Variants in GLCCI1 observed in about 807,000 individuals in gnomAD.
GLCCI1 encodes glucocorticoid-induced transcript 1 protein.
In GLCCI1, 24 loss-of-function variants were observed where a neutral mutation model predicts 52.2. That is an observed-to-expected ratio of 0.46 (90% confidence interval 0.33 to 0.65). The LOEUF (loss-of-function observed/expected upper bound fraction) is 0.65. Among genes scored for constraint, GLCCI1 ranks in the 30% least tolerant of loss-of-function variants. GLCCI1 has a pLI of 0.02. For synonymous variants in GLCCI1, 310 were observed against 276.5 expected, an observed-to-expected ratio of 1.12 and a Z score of -1.20; for missense variants, 704 against 701.5, an observed-to-expected ratio of 1.00 and a Z score of -0.04.
intron 5 of GLCCI1, among the ~76,000 whole-genome samples, chr7:8,068,532 C>T (rs1030566714): frequency 6.6e-6 from 1 of 152,178 alleles, no homozygotes; most frequent in Non-Finnish European, 1.5e-5. Flanking sequence ...CATCAATCAG[C>T]TCCTGTATTA....
At chr7:8,050,705 T>G (rs1041285769) in intron 3 of GLCCI1, among the ~76,000 whole-genome samples, 3 of 136,136 alleles carry the variant, frequency 2.2e-5, no homozygotes, top group African/African-American at 7.5e-5. Flanking sequence ...GTAAGATTTA[T>G]CTCCTTGTGA....
chr7:8,071,212 T>A, intron 6 of GLCCI1, 81 bp downstream of exon 6: 1 of 1,154,316 alleles, frequency 8.7e-7, no homozygotes, highest in Non-Finnish European at 1.2e-6. Context: ...ACATCTTTTT[T>A]TTTTTCTTTT....
At chr7:8,052,427 G>T (rs1026014628) in intron 3 of GLCCI1, among the ~76,000 whole-genome samples, 1 of 152,294 alleles carries the variant, frequency 6.6e-6, no homozygotes, top group African/African-American at 2.4e-5. Flanking sequence ...TCCTAGTTTT[G>T]AGTTGGTTAT....
chr7:7,981,931 C>G (rs1476544535), intron 1 of GLCCI1: 1 of 452,070 alleles, frequency 2.2e-6, no homozygotes, highest in Non-Finnish European at 4.5e-6. Flanking sequence ...CATCACTGCT[C>G]TGAAGTAAAA....
In GLCCI1 at chr7:7,968,828, C is replaced by T. The variant is rs368973929; in HGVS notation, c.-523C>T. 1.9e-5 allele frequency: 3 copies of T among 159,014 alleles called. No homozygotes were observed. Among genetic ancestry groups the T allele is most frequent in the Non-Finnish European group, 4.2e-5 (3 of 72,210 alleles). The allele number at this position is 159,014 out of a possible 1,614,324, so 9.9% of individuals were successfully genotyped here. ...ATTCGGAGTGAGGAGTGGGTAGAAG[C>T]GGCGGCGGCGGCGGCGGCGTTTGCG... On this transcript the variant is annotated 5_prime_UTR_variant, in exon 1 of 8. Transcript: ENST00000223145.
At chr7:8,076,007 A>G (rs1043322377) in intron 6 of GLCCI1, among the ~76,000 whole-genome samples, 2 of 152,242 alleles carry the variant, frequency 1.3e-5, no homozygotes, top group African/African-American at 4.8e-5. Context: ...TTGTCTTTTC[A>G]GGGTCTAGGG....
chr7:8,073,963 C>T (rs1782821556), intron 6 of GLCCI1, among the ~76,000 whole-genome samples: 1 of 152,146 alleles, frequency 6.6e-6, no homozygotes, highest in South Asian at 2.1e-4. Flanking sequence ...AAATCAAATA[C>T]CATCTTTATA....
rs1434409243 is a variant in GLCCI1 at position 8,025,837 on chromosome 7, G to A, written c.696+3268G>A. On this transcript the variant is annotated intron_variant, in intron 3 of 7. Transcript: ENST00000223145. ...CTGAAAGAAAAAAAACCAAAAAACT[G>A]TCAACCAGGTATTCTATATCCAGCA... Among the ~76,000 whole-genome samples the A allele has an allele frequency of 2.6e-5, 4 of 152,278 alleles. No homozygotes were observed. The East Asian group carries it at 7.7e-4, about 29-fold the overall frequency.
chr7:7,990,513 G>C (rs771015515), intron 1 of GLCCI1, among the ~76,000 whole-genome samples: 2 of 152,018 alleles, frequency 1.3e-5, no homozygotes, highest in African/African-American at 2.4e-5. Flanking sequence ...TATTTCTTCA[G>C]TTGCTCTCAA....
chr7:8,083,228 G>C (rs923637235), intron 6 of GLCCI1, among the ~76,000 whole-genome samples: 1 of 152,052 alleles, frequency 6.6e-6, no homozygotes, highest in African/African-American at 2.4e-5. Context: ...ATGAAGAATG[G>C]GATGTCCATC....
At chr7:7,975,553 T>C (rs997372516) in intron 1 of GLCCI1, among the ~76,000 whole-genome samples, 6 of 152,214 alleles carry the variant, frequency 3.9e-5, no homozygotes, top group African/African-American at 1.4e-4. Context: ...GACTCTAATG[T>C]TGATGATCAG....
intron 3 of GLCCI1, among the ~76,000 whole-genome samples, chr7:8,033,070 T>C (rs1310587567): frequency 6.6e-6 from 1 of 152,016 alleles, no homozygotes; most frequent in Non-Finnish European, 1.5e-5. Context: ...AAGTGGGATT[T>C]GTCCAAGGAA....
At chr7:8,066,568 T>G (rs1169733061) in intron 5 of GLCCI1, among the ~76,000 whole-genome samples, 1 of 151,152 alleles carries the variant, frequency 6.6e-6, no homozygotes, top group Non-Finnish European at 1.5e-5. Flanking sequence ...TCCCATAGAA[T>G]CTAGTATGTT....
intron 5 of GLCCI1, among the ~76,000 whole-genome samples, chr7:8,060,965 C>A (rs1782501782): frequency 6.6e-6 from 1 of 152,124 alleles, no homozygotes; most frequent in Non-Finnish European, 1.5e-5. Context: ...TCTCTGCATC[C>A]TCACCAACAC....
At chr7:8,073,876 T>C (rs962521387) in intron 6 of GLCCI1, among the ~76,000 whole-genome samples, 5 of 152,202 alleles carry the variant, frequency 3.3e-5, no homozygotes, top group Non-Finnish European at 7.4e-5. Flanking sequence ...TACTTTGTGA[T>C]TAAGATCAAG....
At chr7:8,019,245 T>C (rs1352240293) in intron 2 of GLCCI1, among the ~76,000 whole-genome samples, 1 of 152,224 alleles carries the variant, frequency 6.6e-6, no homozygotes, top group African/African-American at 2.4e-5. Context: ...GGTAGCCACA[T>C]GTGGTTATTG....
chr7:8,058,167 T>C (rs1306075789), intron 4 of GLCCI1, among the ~76,000 whole-genome samples: 1 of 152,110 alleles, frequency 6.6e-6, no homozygotes, highest in African/African-American at 2.4e-5. Flanking sequence ...ATATTAGTAA[T>C]GTTTCAAAAT....
At chr7:7,973,632 CAT>C (rs1393190949) in intron 1 of GLCCI1, among the ~76,000 whole-genome samples, 1 of 152,016 alleles carries the variant, frequency 6.6e-6, no homozygotes, top group Admixed American at 6.5e-5. Flanking sequence ...CCTGATTTAA[CAT>C]ATCAGGTTTA....
intron 2 of GLCCI1, among the ~76,000 whole-genome samples, chr7:8,012,122 C>T (rs960193155): frequency 2.6e-5 from 4 of 152,004 alleles, no homozygotes; most frequent in Non-Finnish European, 5.9e-5. Flanking sequence ...GCCAGGGGTC[C>T]AGTTTTTCTA....
Sources: allele counts gnomAD v4.1 joint callset (sites outside exome capture counted in the v4.1 genomes callset), GRCh38; gene constraint gnomAD v4.1.1; transcripts MANE v1.5; gene names NCBI Gene and HGNC (gene_info 2026-07-23, HGNC 2026-07-21).